The following UTRN variants were observed in gnomAD, a reference collection of about 807,000 sequenced individuals.
The protein encoded by UTRN is utrophin.
A neutral mutation model predicts 463.9 loss-of-function variants in UTRN; 283 were observed. That is an observed-to-expected ratio of 0.61 (90% CI 0.55 to 0.67). The LOEUF is 0.67. UTRN is among the 30% of genes least tolerant of loss of function. The pLI is 0.00. For missense variants in UTRN, 3,922 were observed against 4,084.3 expected, an observed-to-expected ratio of 0.96 and a Z score of 1.08; for synonymous variants, 1,442 against 1,431.5, an observed-to-expected ratio of 1.01 and a Z score of -0.17.
rs4896723 is a variant in UTRN at position 144,468,754 on chromosome 6, C to T, written c.3067-4966C>T. On this transcript the variant is annotated intron_variant, in intron 23 of 74. Transcript: ENST00000367545. ...ATTTTCATGTGAGCTCTTTGACGATCTTTGTAATCAACCTCTTTGTTGTGG... is the reference window on the plus strand; with the variant it reads ...ATTTTCATGTGAGCTCTTTGACGATTTTTGTAATCAACCTCTTTGTTGTGG... Among the ~76,000 whole-genome samples, 570 of 152,242 alleles carry T rather than the reference C, an allele frequency of 3.7e-3. 18 individuals are homozygous for T. Among genetic ancestry groups the T allele is most frequent in the Admixed American group, 0.031 (478 of 15,296 alleles).
intron 3 of UTRN, among the ~76,000 whole-genome samples, chr6:144,419,744 C>T (rs1254124364): frequency 1.3e-5 from 2 of 152,352 alleles, no homozygotes; most frequent in Non-Finnish European, 2.9e-5. Flanking sequence ...CCTTTGCCCA[C>T]TCCCTGGCTT....
intron 11 of UTRN, 88 bp downstream of exon 11, chr6:144,437,834 G>C: frequency 7.4e-7 from 1 of 1,351,776 alleles, no homozygotes; most frequent in Non-Finnish European, 9.9e-7. Flanking sequence ...CTGTGAAAGC[G>C]AGATGATTAC....
intron 10 of UTRN, among the ~76,000 whole-genome samples, chr6:144,436,359 T>A (rs1786532331): frequency 6.6e-6 from 1 of 152,238 alleles, no homozygotes; most frequent in Non-Finnish European, 1.5e-5. Context: ...TCTCCTTGTG[T>A]GTTTTGGAGA....
intron 4 of UTRN, among the ~76,000 whole-genome samples, chr6:144,423,162 T>C (rs886984209): frequency 6.6e-6 from 1 of 152,238 alleles, no homozygotes; most frequent in Non-Finnish European, 1.5e-5. Flanking sequence ...GCTTTGTTCA[T>C]AGAGCACTGG....
chr6:144,841,907 C>T (rs1049056279), intron 73 of UTRN, among the ~76,000 whole-genome samples: 3 of 151,534 alleles, frequency 2.0e-5, no homozygotes, highest in Non-Finnish European at 4.4e-5. Context: ...ATCAGGAGTT[C>T]GAGACCAGTC....
At chr6:144,384,840 G>A (rs907391639) in intron 2 of UTRN, among the ~76,000 whole-genome samples, 3 of 152,066 alleles carry the variant, frequency 2.0e-5, no homozygotes, top group African/African-American at 7.2e-5. Context: ...CCATCTTTTA[G>A]CTTTTGTGAA....
intron 43 of UTRN, among the ~76,000 whole-genome samples, chr6:144,536,956 CTTTG>C (rs912823665): frequency 5.9e-5 from 9 of 151,780 alleles, no homozygotes; most frequent in African/African-American, 2.2e-4. Context: ...AAAATTTTTG[CTTTG>C]TTTTTTTCTA....
At chr6:144,353,074 C>T (rs1017685392) in intron 2 of UTRN, among the ~76,000 whole-genome samples, 4 of 152,072 alleles carry the variant, frequency 2.6e-5, no homozygotes, top group African/African-American at 9.7e-5. Flanking sequence ...TCCTGAGTAG[C>T]TGGGATTACA....
At chr6:144,763,594 T>C (rs1199110473) in intron 58 of UTRN, among the ~76,000 whole-genome samples, 1 of 152,186 alleles carries the variant, frequency 6.6e-6, no homozygotes, top group Non-Finnish European at 1.5e-5. Flanking sequence ...CATACTTCTT[T>C]AGAAGAATTG....
intron 52 of UTRN, among the ~76,000 whole-genome samples, chr6:144,684,907 A>C (rs1055641640): frequency 1.3e-5 from 2 of 152,126 alleles, no homozygotes; most frequent in Admixed American, 1.3e-4. Context: ...GGTACAGGTG[A>C]TTTTAGTTAC....
At chr6:144,571,741 A>G (rs1918749) in intron 50 of UTRN, among the ~76,000 whole-genome samples, 28,554 of 152,158 alleles carry the variant, frequency 0.19, 2,804 homozygotes, top group South Asian at 0.31. Context: ...TGAAATTAAT[A>G]ATTGCCTTAT....
intron 51 of UTRN, among the ~76,000 whole-genome samples, chr6:144,652,233 C>T (rs184537371): frequency 2.0e-5 from 3 of 152,236 alleles, no homozygotes; most frequent in East Asian, 3.9e-4. Flanking sequence ...CACCTGTGGA[C>T]GTTCATTTCC....
intron 50 of UTRN, among the ~76,000 whole-genome samples, chr6:144,568,940 A>G (rs546624841): frequency 1.5e-4 from 23 of 152,270 alleles, no homozygotes; most frequent in Middle Eastern, 6.8e-3. Context: ...AGTGTACACA[A>G]ATGGCATTAA....
At chr6:144,738,866 C>T (rs1293978129) in intron 54 of UTRN, among the ~76,000 whole-genome samples, 2 of 152,070 alleles carry the variant, frequency 1.3e-5, no homozygotes, top group Non-Finnish European at 2.9e-5. Context: ...GTCAATTTTG[C>T]TTAATTTAAA....
chr6:144,539,160 T>TTA, intron 44 of UTRN, 134 bp from the exon 45 acceptor site: 1 of 1,035,438 alleles, frequency 9.7e-7, no homozygotes. Context: ...CTTAAGCTTC[T>TTA]TATAAGTTTA....
chr6:144,358,611 T>A (rs1188360327), intron 2 of UTRN, among the ~76,000 whole-genome samples: 4 of 152,220 alleles, frequency 2.6e-5, no homozygotes, highest in African/African-American at 9.6e-5. Flanking sequence ...ACTCTTGTGT[T>A]GTTTAAAAAA....
Position 144,839,302 on chromosome 6 carries a change from A to G in UTRN, c.10177+18A>G. On this transcript the variant is annotated intron_variant, in intron 72 of 74. Transcript: ENST00000367545. Reference sequence around the variant, plus strand: ...CCAGGCAGGTCGGTGTCCCCAGCACACAGCTCCTCTGCTGAGTCTGCTTTG... The same window carrying G: ...CCAGGCAGGTCGGTGTCCCCAGCACGCAGCTCCTCTGCTGAGTCTGCTTTG... The G allele has an allele frequency of 1.3e-6, 2 of 1,589,928 alleles. No homozygotes were observed. The highest frequency in any genetic ancestry group is 1.7e-6 in the Non-Finnish European group (2 of 1,160,368).
intron 51 of UTRN, among the ~76,000 whole-genome samples, chr6:144,586,238 C>T (rs1802449653): frequency 6.6e-6 from 1 of 152,016 alleles, no homozygotes; most frequent in African/African-American, 2.4e-5. Flanking sequence ...CATGTCACAG[C>T]TCTCAGAGTT....
At chr6:144,718,022 A>G (rs187932573) in intron 53 of UTRN, among the ~76,000 whole-genome samples, 1 of 152,274 alleles carries the variant, frequency 6.6e-6, no homozygotes, top group East Asian at 1.9e-4. Context: ...ATGTTCCTGC[A>G]AACGGAGGGC....
Sources: gnomAD v4.1 joint callset for allele counts (sites outside exome capture counted in the v4.1 genomes callset) on GRCh38, gnomAD v4.1.1 for gene constraint, MANE v1.5 for transcripts, NCBI Gene and HGNC (gene_info 2026-07-23, HGNC 2026-07-21) for gene names.